Variants in CDC42BPB observed in about 807,000 individuals in gnomAD.
The protein encoded by CDC42BPB is CDC42 binding protein kinase beta, also known as serine/threonine-protein kinase MRCK beta.
A neutral mutation model predicts 214.9 loss-of-function variants in CDC42BPB; 37 were observed. The observed-to-expected ratio is 0.17, with a 90% CI of 0.13 to 0.23. CDC42BPB has a LOEUF of 0.23. Among genes scored for constraint, CDC42BPB ranks in the 10% least tolerant of loss-of-function variants. CDC42BPB has a pLI of 1.00. For missense variants in CDC42BPB, 1,694 were observed against 2,227.0 expected (o/e 0.76, Z 4.82); for synonymous variants, 931 against 884.0 (o/e 1.05, Z -0.94).
rs1188758467 is a variant in CDC42BPB, at chr14:103,029,815, C to T, written c.176-17627G>A. On this transcript the variant is annotated intron_variant, in intron 1 of 36. Coordinates refer to ENST00000361246, the MANE Select transcript of CDC42BPB (RefSeq NM_006035.4). ...CGGAGGTTGCAGTGAGCCGAGATCG[C>T]GCCACTGCACTCCAGCCTAGTGACA... 3.7e-5 allele frequency among the ~76,000 whole-genome samples: 5 copies of T among 136,942 alleles called. No individual in the cohort carries two copies. The East Asian group carries it at 1.1e-3, about 29-fold the overall frequency. 89.8% of individuals were successfully genotyped at this position (136,942 alleles called of 152,430 possible). A position where few individuals can be genotyped will look rare whatever the true frequency, so the allele number is the denominator to read the frequency against.
chr14:103,050,448 G>A (rs1019503904), intron 1 of CDC42BPB, among the ~76,000 whole-genome samples: 2 of 152,156 alleles, frequency 1.3e-5, no homozygotes, highest in Non-Finnish European at 2.9e-5. Context: ...CTGGAGGGCA[G>A]GTTAACATGA....
rs772132826 is a variant in CDC42BPB at position 102,938,342 on chromosome 14, A to T, written c.4897T>A (p.Ser1633Thr). ...CACGAGATGTAGGGCTTGTTCCTGG[A>T]TGGAGGCTGGCGAGCCAGGTTGGTG... ...APTNLARQPP[S>T]RNKPYISWPS... Residue 1633 changes from serine to threonine, a missense_variant, in exon 35 of 37, where the codon TCC (serine) becomes ACC (threonine). Physicochemically the swap from Ser to Thr is moderately conservative, Grantham distance 58. Transcript: ENST00000361246. The T allele has an allele frequency of 6.2e-7, 1 of 1,603,042 alleles. No homozygotes were observed. Among genetic ancestry groups the T allele is most frequent in the South Asian group, 1.1e-5 (1 of 88,886 alleles).
At chr14:102,974,192 G>A (rs901347005) in intron 11 of CDC42BPB, 43 bp from the exon 12 acceptor site, 2 of 1,602,462 alleles carry the variant, frequency 1.2e-6, no homozygotes, top group East Asian at 2.2e-5. Flanking sequence ...TATGTGCAAT[G>A]ACTATATGTA....
At chr14:102,953,534 C>T (rs1229833379) in intron 23 of CDC42BPB, among the ~76,000 whole-genome samples, 4 of 152,216 alleles carry the variant, frequency 2.6e-5, no homozygotes, top group Admixed American at 6.5e-5. Context: ...AGGCAGAGGC[C>T]GTGTCTACAT....
At chr14:102,938,646 T>A (rs112760246) in intron 34 of CDC42BPB, 9 of 749,940 alleles carry the variant, frequency 1.2e-5, no homozygotes, top group African/African-American at 1.1e-4. Flanking sequence ...TTTGTTTGTT[T>A]GAGACTGAGT....
At chr14:102,978,105 G>T (rs1298233599) in intron 9 of CDC42BPB, 21 bp downstream of exon 9, 6 of 1,566,970 alleles carry the variant, frequency 3.8e-6, no homozygotes, top group Non-Finnish European at 5.3e-6. Context: ...TCTCCCTGGG[G>T]AATGATAAAT....
rs1595474801 is a variant in CDC42BPB at position 102,966,533 on chromosome 14, C to T, written c.2472-146G>A. On this transcript the variant is annotated intron_variant, in intron 17 of 36. Coordinates refer to ENST00000361246, the MANE Select transcript of CDC42BPB (RefSeq NM_006035.4). ...GCCCGCAGTGTACCCGTTGTATACA[C>T]GGGATCTCATTGATGGATGCGTCGT... 5.9e-5 allele frequency: 84 copies of T among 1,434,010 alleles called. 1 individual carries two copies. Among genetic ancestry groups the T allele is most frequent in the Non-Finnish European group, 7.4e-5 (81 of 1,090,248 alleles). The allele number at this position is 1,434,010 out of a possible 1,614,324, so 88.8% of individuals were successfully genotyped here. A position where few individuals can be genotyped will look rare whatever the true frequency, so the allele number is the denominator to read the frequency against.
intron 21 of CDC42BPB, chr14:102,956,523 C>CAT: frequency 2.1e-6 from 1 of 482,648 alleles, no homozygotes; most frequent in Non-Finnish European, 2.7e-6. Context: ...AAATGCCTTC[C>CAT]CATTTAAATC....
intron 1 of CDC42BPB, among the ~76,000 whole-genome samples, chr14:103,022,375 G>A (rs537638328): frequency 6.6e-6 from 1 of 152,252 alleles, no homozygotes; most frequent in South Asian, 2.1e-4. Context: ...TGTTGCTGTT[G>A]TTTTTGAGAC....
At chr14:102,946,069 T>C (rs1024450339) in intron 28 of CDC42BPB, among the ~76,000 whole-genome samples, 3 of 152,132 alleles carry the variant, frequency 2.0e-5, no homozygotes, top group Non-Finnish European at 2.9e-5. Flanking sequence ...AGTGCAGTGG[T>C]GTGATCTCGG....
chr14:102,947,486 G>A (rs1012215220), intron 27 of CDC42BPB, among the ~76,000 whole-genome samples: 4 of 152,174 alleles, frequency 2.6e-5, no homozygotes, highest in African/African-American at 4.8e-5. Flanking sequence ...TGTAGGAGAA[G>A]GGAGGGTCAG....
chr14:102,954,312 C>A, intron 22 of CDC42BPB, 37 bp from the exon 23 acceptor site: 2 of 1,475,440 alleles, frequency 1.4e-6, no homozygotes, highest in Non-Finnish European at 1.8e-6. Flanking sequence ...GTCGGCCCAG[C>A]TCAGCATGGC....
chr14:102,933,591 A>T lies in CDC42BPB; in HGVS notation c.*121T>A. The T allele has an allele frequency of 1.3e-6, 1 of 769,890 alleles. No homozygotes were observed. The allele number at this position is 769,890 out of a possible 1,614,324, so 47.7% of individuals were successfully genotyped here. ...ATTATAATAAAGATTTGTCTTCTTC[A>T]TCTCCATATCTACAAAGTGATTCTA... On this transcript the variant is annotated 3_prime_UTR_variant, in exon 37 of 37. Transcript: ENST00000361246.
At chr14:103,015,006 T>C (rs1319891960) in intron 1 of CDC42BPB, among the ~76,000 whole-genome samples, 1 of 152,228 alleles carries the variant, frequency 6.6e-6, no homozygotes, top group African/African-American at 2.4e-5. Context: ...AGTTTCCCCC[T>C]ACTCTTTTGA....
At chr14:103,030,933 G>T (rs1887335145) in intron 1 of CDC42BPB, among the ~76,000 whole-genome samples, 1 of 152,014 alleles carries the variant, frequency 6.6e-6, no homozygotes, top group Admixed American at 6.6e-5. Flanking sequence ...ATTGCAGTGA[G>T]GCAAGACTGA....
intron 4 of CDC42BPB, among the ~76,000 whole-genome samples, chr14:103,003,070 C>T (rs917080496): frequency 9.2e-5 from 14 of 152,132 alleles, no homozygotes; most frequent in African/African-American, 2.4e-4. Flanking sequence ...AAGGAAGCCT[C>T]GGGTCCCTGC....
intron 8 of CDC42BPB, 22 bp from the exon 9 acceptor site, chr14:102,978,227 A>G: frequency 6.2e-7 from 1 of 1,608,020 alleles, no homozygotes; most frequent in Non-Finnish European, 8.5e-7. Flanking sequence ...CATATACAAC[A>G]CAAATGAAAT....
At chr14:102,950,955 G>T (rs898900618) in intron 24 of CDC42BPB, among the ~76,000 whole-genome samples, 3 of 152,044 alleles carry the variant, frequency 2.0e-5, no homozygotes, top group East Asian at 1.9e-4. Flanking sequence ...CACAGAGCGA[G>T]ACTCCATCTC....
intron 19 of CDC42BPB, among the ~76,000 whole-genome samples, chr14:102,964,238 C>T (rs376071043): frequency 2.0e-5 from 3 of 152,236 alleles, no homozygotes; most frequent in East Asian, 3.9e-4. Context: ...CACAAGCACC[C>T]GCTGCCGTCA....
Sources: allele counts gnomAD v4.1 joint callset (sites outside exome capture counted in the v4.1 genomes callset), GRCh38; gene constraint gnomAD v4.1.1; transcripts MANE v1.5; gene names NCBI Gene and HGNC (gene_info 2026-07-23, HGNC 2026-07-21).